ANKRD30A: variants seen among roughly 807,000 people sequenced by gnomAD.
ANKRD30A encodes the protein ankyrin repeat domain-containing protein 30A.
In ANKRD30A, 170 loss-of-function variants were observed where a neutral mutation model predicts 166.3. That is an observed-to-expected ratio of 1.02 (90% CI 0.90 to 1.16). ANKRD30A has a LOEUF of 1.16. Ranked by LOEUF, ANKRD30A falls within the 50% of genes most tolerant of loss-of-function variation. ANKRD30A has a pLI of 0.00. For synonymous variants in ANKRD30A, 564 were observed against 508.9 expected, an observed-to-expected ratio of 1.11 and a Z score of -1.46; for missense variants, 1,630 against 1,518.0, an observed-to-expected ratio of 1.07 and a Z score of -1.23.
intron 8 of ANKRD30A, among the ~76,000 whole-genome samples, chr10:37,145,309 C>G (rs186583096): frequency 6.6e-6 from 1 of 152,206 alleles, no homozygotes; most frequent in Admixed American, 6.5e-5. Flanking sequence ...GAAACCCTGT[C>G]TGTACTAAAA....
chr10:37,171,289 C>T (rs1296899097), intron 21 of ANKRD30A, among the ~76,000 whole-genome samples: 2 of 143,354 alleles, frequency 1.4e-5, no homozygotes, highest in African/African-American at 2.6e-5. Flanking sequence ...CACTAAAAGT[C>T]GACATTAAAT....
chr10:37,140,235 G>T lies in ANKRD30A; in HGVS notation c.821-1483G>T, dbSNP rs113427664. ...CAGTGGCAAAGGAAAAGAAAAATCT[G>T]TCTGTTAGTGGGCTCCTACAGTGAA... On this transcript the variant is annotated intron_variant, in intron 6 of 35. Transcript: ENST00000361713. Among the ~76,000 whole-genome samples, 758 of 152,296 alleles carry T rather than the reference G, an allele frequency of 5.0e-3. 6 individuals carry two copies. The highest frequency in any genetic ancestry group is 0.017 in the African/African-American group (722 of 41,570).
At chr10:37,150,180 C>G (rs1164645244) in intron 11 of ANKRD30A, among the ~76,000 whole-genome samples, 1 of 152,054 alleles carries the variant, frequency 6.6e-6, no homozygotes, top group East Asian at 1.9e-4. Context: ...AAGCTTGATT[C>G]AAATTCCACT....
chr10:37,130,092 AC>A (rs1374228722), intron 2 of ANKRD30A, 85 bp downstream of exon 2: 2 of 1,192,028 alleles, frequency 1.7e-6, no homozygotes, highest in African/African-American at 3.2e-5. Flanking sequence ...TTGAAATACA[AC>A]TAGTTTTGAA....
At chr10:37,197,348 A>C in intron 28 of ANKRD30A, 39 bp downstream of exon 28, 2 of 1,594,702 alleles carry the variant, frequency 1.3e-6, no homozygotes, top group Non-Finnish European at 1.7e-6. Context: ...TGACTTATTA[A>C]CTATGTATTT....
At position 37,125,879 on chromosome 10, in the gene ANKRD30A, C is replaced by A. The variant is rs919123593; in HGVS notation, c.92C>A (p.Ser31Tyr). Residue 31 changes from serine (S) to tyrosine (Y), a missense_variant, in exon 1 of 36, where the codon TCC becomes TAC. Physicochemically the swap from Ser to Tyr is moderately radical, Grantham distance 144. Coordinates refer to ENST00000361713, the MANE Select transcript of ANKRD30A (RefSeq NM_052997.3). ...FSQLVYTSNDSYIVHSGDLRK... is the reference protein window; with the variant it reads ...FSQLVYTSNDYYIVHSGDLRK... ...CAGCTAGTCTATACCAGCAACGACT[C>A]CTACATCGTCCACTCTGGGGATCTT... is the stretch of plus-strand genomic sequence containing the variant. The A allele has an allele frequency of 6.5e-7, 1 of 1,532,528 alleles. No individual in the cohort carries two copies. The highest frequency in any genetic ancestry group is 9.0e-7 in the Non-Finnish European group (1 of 1,110,350). The allele number at this position is 1,532,528 out of a possible 1,614,324, so 94.9% of individuals were successfully genotyped here.
downstream of ANKRD30A, among the ~76,000 whole-genome samples, chr10:37,237,318 A>G (rs1843708201): frequency 6.6e-6 from 1 of 152,196 alleles, no homozygotes; most frequent in Non-Finnish European, 1.5e-5. Context: ...AGTGATTTTC[A>G]TAGCTTAAAA....
intron 7 of ANKRD30A, among the ~76,000 whole-genome samples, chr10:37,143,684 G>A (rs1837312707): frequency 6.6e-6 from 1 of 152,124 alleles, no homozygotes; most frequent in South Asian, 2.1e-4. Context: ...AGGCCATGTG[G>A]TCTCTATAAC....
chr10:37,166,738 T>C (rs1377751109), intron 19 of ANKRD30A, 43 bp downstream of exon 19: 1 of 1,608,058 alleles, frequency 6.2e-7, no homozygotes, highest in African/African-American at 1.3e-5. Flanking sequence ...ACCAAATATT[T>C]CTCTAAACTG....
intron 34 of ANKRD30A, among the ~76,000 whole-genome samples, chr10:37,230,441 T>C (rs1843368123): frequency 6.6e-6 from 1 of 152,054 alleles, no homozygotes; most frequent in Non-Finnish European, 1.5e-5. Flanking sequence ...GTTGGTTTTA[T>C]ATGGCTTTTT....
chr10:37,192,193 T>C (rs1241552756), intron 25 of ANKRD30A, among the ~76,000 whole-genome samples: 1 of 151,900 alleles, frequency 6.6e-6, no homozygotes, highest in Non-Finnish European at 1.5e-5. Flanking sequence ...TGTGCCACCA[T>C]ACCTGGCTGA....
chr10:37,140,078 T>A (rs1191880160), intron 6 of ANKRD30A, among the ~76,000 whole-genome samples: 1 of 152,220 alleles, frequency 6.6e-6, no homozygotes, highest in Admixed American at 6.5e-5. Context: ...AAGAAACTTT[T>A]ATAAGAAGGA....
chr10:37,237,173 A>T (rs1843703620), downstream of ANKRD30A, among the ~76,000 whole-genome samples: 2 of 152,226 alleles, frequency 1.3e-5, no homozygotes, highest in African/African-American at 4.8e-5. Flanking sequence ...AATCACTGGC[A>T]TCAAATGCCA....
intron 31 of ANKRD30A, among the ~76,000 whole-genome samples, chr10:37,211,989 A>G (rs1436829599): frequency 4.0e-5 from 6 of 151,750 alleles, no homozygotes; most frequent in Admixed American, 3.3e-4. Flanking sequence ...CACCACTCCT[A>G]TTCAACATAG....
intron 25 of ANKRD30A, 97 bp from the exon 26 acceptor site, chr10:37,192,967 A>G: frequency 6.7e-7 from 1 of 1,486,742 alleles, no homozygotes; most frequent in Non-Finnish European, 9.4e-7. Context: ...TTGCAATCCA[A>G]GCATGAGGAT....
intron 5 of ANKRD30A, among the ~76,000 whole-genome samples, 168 bp from the exon 6 acceptor site, chr10:37,136,439 T>A (rs2132519438): frequency 6.6e-6 from 1 of 152,324 alleles, no homozygotes; most frequent in African/African-American, 2.4e-5. Flanking sequence ...AATTAGAAGC[T>A]TAATAAGTTC....
intron 25 of ANKRD30A, among the ~76,000 whole-genome samples, chr10:37,190,479 A>G (rs71489116): frequency 0.021 from 3,132 of 151,880 alleles, 145 homozygotes; most frequent in African/African-American, 0.071. Context: ...TAGATGGAAG[A>G]TACTACCACT....
At chr10:37,230,361 A>G (rs2132765721) in intron 34 of ANKRD30A, among the ~76,000 whole-genome samples, 1 of 152,154 alleles carries the variant, frequency 6.6e-6, no homozygotes, top group South Asian at 2.1e-4. Flanking sequence ...TAATTATGGA[A>G]ACATGATGTT....
At chr10:37,182,831 T>G (rs1242491612) in intron 24 of ANKRD30A, among the ~76,000 whole-genome samples, 33 of 148,832 alleles carry the variant, frequency 2.2e-4, no homozygotes, top group East Asian at 4.0e-4. Flanking sequence ...CTCCTGACCT[T>G]GTGGTCCGCC....
Sources: gnomAD v4.1 joint callset for allele counts (sites outside exome capture counted in the v4.1 genomes callset) on GRCh38, gnomAD v4.1.1 for gene constraint, MANE v1.5 for transcripts, NCBI Gene and HGNC (gene_info 2026-07-23, HGNC 2026-07-21) for gene names.